The following CBFA2T3 variants were observed in gnomAD, a reference collection of about 807,000 sequenced individuals.
CBFA2T3 encodes the protein CBFA2/RUNX1 partner transcriptional co-repressor 3.
CBFA2T3 carries 31 observed loss-of-function variants against 58.6 expected under a neutral mutation model. That is an observed-to-expected ratio of 0.53 (90% CI 0.40 to 0.71). The LOEUF (loss-of-function observed/expected upper bound fraction) is 0.71. CBFA2T3 is among the 30% of genes least tolerant of loss of function. The pLI is 0.00. For synonymous variants in CBFA2T3, 531 were observed against 421.9 expected (o/e 1.26, Z -3.17); for missense variants, 1,076 against 963.1 (o/e 1.12, Z -1.55).
chr16:88,925,022 T>C (rs1971039217), intron 1 of CBFA2T3, among the ~76,000 whole-genome samples: 1 of 152,216 alleles, frequency 6.6e-6, no homozygotes, highest in South Asian at 2.1e-4. Context: ...GGGCTTGCTG[T>C]GTCTGCGAGG....
chr16:88,919,141 C>T (rs1212716247), intron 1 of CBFA2T3, among the ~76,000 whole-genome samples: 2 of 152,186 alleles, frequency 1.3e-5, no homozygotes, highest in Non-Finnish European at 2.9e-5. Context: ...CCTTTCTCAG[C>T]ATTCCACAAA....
intron 1 of CBFA2T3, chr16:88,937,894 G>A: frequency 6.6e-6 from 1 of 152,350 alleles, no homozygotes; most frequent in Non-Finnish European, 1.5e-5. Context: ...GGGGCCTGGG[G>A]CCAGCCTGGG....
chr16:88,901,560 G>C lies in CBFA2T3; in HGVS notation c.248C>G (p.Pro83Arg). The C allele has an allele frequency of 6.8e-7, 1 of 1,480,754 alleles. No individual in the cohort carries two copies. The highest frequency in any genetic ancestry group is 8.9e-7 in the Non-Finnish European group (1 of 1,119,528). 91.7% of individuals were successfully genotyped at this position (1,480,754 alleles called of 1,614,324 possible). A position where few individuals can be genotyped will look rare whatever the true frequency, so the allele number is the denominator to read the frequency against. The change falls in exon 2 of 12, where the codon CCA becomes CGA. Residue 83 changes from proline (P) to arginine (R), a missense_variant. By Grantham distance (103) the Pro-to-Arg change is moderately radical. Transcript: ENST00000268679. ...PRSTPPSMPP[P>R]PPAASQGATR... ...GGCCCCCTGGGATGCGGCAGGCGGT[G>C]GGGGCGGCATGCTGGGGGGTGTGGA...
rs779848066 is a variant in CBFA2T3, at chr16:88,879,362, G to A, written c.1570C>T (p.Arg524Cys). Residue 524 changes from arginine to cysteine, a missense_variant, in exon 11 of 12, where the codon CGT (arginine) becomes TGT (cysteine). By Grantham distance (180) the Arg-to-Cys change is radical (BLOSUM62 -3). Transcript: ENST00000268679. ...GCCAGGGCCCGCTCCATCTTGGCACGCTCCGTGGTGATGAGCTCGTGCGCT... is the reference window on the plus strand; with the variant it reads ...GCCAGGGCCCGCTCCATCTTGGCACACTCCGTGGTGATGAGCTCGTGCGCT... ...RKAHELITTE[R>C]AKMERALAEA... 4 of 1,612,856 alleles carry A rather than the reference G, an allele frequency of 2.5e-6. No homozygotes were observed. The highest frequency in any genetic ancestry group is 3.4e-6 in the Non-Finnish European group (4 of 1,179,752).
At chr16:88,896,672 C>A (rs536649589) in intron 3 of CBFA2T3, among the ~76,000 whole-genome samples, 4 of 152,334 alleles carry the variant, frequency 2.6e-5, no homozygotes, top group African/African-American at 9.6e-5. Flanking sequence ...CATGGGAGAC[C>A]TCACTGCAGC....
chr16:88,976,089 C>T (rs145322635), intron 1 of CBFA2T3, among the ~76,000 whole-genome samples: 3 of 152,218 alleles, frequency 2.0e-5, no homozygotes, highest in Non-Finnish European at 4.4e-5. Flanking sequence ...GGACTGGACC[C>T]CTCCCCAGAG....
intron 1 of CBFA2T3, among the ~76,000 whole-genome samples, chr16:88,920,007 C>G (rs1007373172): frequency 6.6e-6 from 1 of 152,270 alleles, no homozygotes; most frequent in South Asian, 2.1e-4. Context: ...AGTCTGTAAA[C>G]CAGCAGCTTC....
At chr16:88,925,192 GA>G (rs1228981738) in intron 1 of CBFA2T3, among the ~76,000 whole-genome samples, 1 of 152,240 alleles carries the variant, frequency 6.6e-6, no homozygotes, top group African/African-American at 2.4e-5. Context: ...GCCCTGCCCG[GA>G]TTGGTCCTCT....
At chr16:88,925,060 G>C (rs1467392439) in intron 1 of CBFA2T3, among the ~76,000 whole-genome samples, 1 of 152,240 alleles carries the variant, frequency 6.6e-6, no homozygotes, top group Non-Finnish European at 1.5e-5. Flanking sequence ...AGCCCAAGGG[G>C]GAAGCAGTGG....
At chr16:88,884,162 G>A (rs1185413462) in intron 7 of CBFA2T3, 2 of 152,274 alleles carry the variant, frequency 1.3e-5, no homozygotes, top group Admixed American at 6.5e-5. Context: ...TGCCTGACCC[G>A]GCTGCAGCAT....
chr16:88,942,151 C>T (rs1478490957), intron 1 of CBFA2T3, among the ~76,000 whole-genome samples: 1 of 152,180 alleles, frequency 6.6e-6, no homozygotes, highest in Non-Finnish European at 1.5e-5. Context: ...CTGCTCTGCC[C>T]TCTCCGCACT....
chr16:88,909,406 C>T (rs376140662), intron 1 of CBFA2T3, among the ~76,000 whole-genome samples: 40 of 140,062 alleles, frequency 2.9e-4, no homozygotes, highest in African/African-American at 1.0e-3. Context: ...CATGAATGCA[C>T]GCGTGGCAGT....
At chr16:88,962,025 A>G (rs12928736) in intron 1 of CBFA2T3, among the ~76,000 whole-genome samples, 19,534 of 84,960 alleles carry the variant, frequency 0.23, 1,605 homozygotes, top group South Asian at 0.32. Flanking sequence ...GACACTCAGC[A>G]CTGGGCATTC....
intron 1 of CBFA2T3, among the ~76,000 whole-genome samples, chr16:88,963,991 G>A (rs1972431423): frequency 6.6e-6 from 1 of 152,226 alleles, no homozygotes; most frequent in African/African-American, 2.4e-5. Context: ...TCTGCAGTGA[G>A]GAGAGGACAG....
intron 5 of CBFA2T3, among the ~76,000 whole-genome samples, chr16:88,889,916 G>A (rs1432965913): frequency 1.2e-4 from 16 of 134,074 alleles, no homozygotes; most frequent in Non-Finnish European, 2.3e-4. Context: ...ACGACGCCCC[G>A]CGATTCCTCC....
intron 1 of CBFA2T3, among the ~76,000 whole-genome samples, chr16:88,905,820 C>T (rs1970305427): frequency 6.6e-6 from 1 of 151,074 alleles, no homozygotes; most frequent in Admixed American, 6.6e-5. Context: ...AGGGGCTGGG[C>T]TGCCCAGCTG....
intron 1 of CBFA2T3, chr16:88,939,851 C>T (rs1307652821): frequency 6.6e-6 from 1 of 152,248 alleles, no homozygotes; most frequent in Non-Finnish European, 1.5e-5. Flanking sequence ...CCCTTCAGGT[C>T]TGGGGGACAC....
chr16:88,921,268 GA>G (rs1970909583), intron 1 of CBFA2T3, among the ~76,000 whole-genome samples: 1 of 152,254 alleles, frequency 6.6e-6, no homozygotes, highest in Non-Finnish European at 1.5e-5. Flanking sequence ...CCACATAAAT[GA>G]ATACCAATTA....
chr16:88,909,857 C>T (rs1445163878), intron 1 of CBFA2T3, among the ~76,000 whole-genome samples: 1 of 152,248 alleles, frequency 6.6e-6, no homozygotes, highest in Non-Finnish European at 1.5e-5. Flanking sequence ...CTCTGAACTC[C>T]AGCCTCTACT....
Sources: allele counts gnomAD v4.1 joint callset (sites outside exome capture counted in the v4.1 genomes callset), GRCh38; gene constraint gnomAD v4.1.1; transcripts MANE v1.5; gene names NCBI Gene and HGNC (gene_info 2026-07-23, HGNC 2026-07-21).